The following PDE3A variants were observed in gnomAD, a reference collection of about 807,000 sequenced individuals.
PDE3A encodes the protein cGMP-inhibited 3',5'-cyclic phosphodiesterase 3A.
A neutral mutation model predicts 98.3 loss-of-function variants in PDE3A; 43 were observed. The observed-to-expected ratio is 0.44, with a 90% CI of 0.34 to 0.56. The LOEUF is 0.56. Among genes scored for constraint, PDE3A ranks in the 20% least tolerant of loss-of-function variants. PDE3A has a pLI of 0.01. For synonymous variants in PDE3A, 663 were observed against 567.9 expected (o/e 1.17, Z -2.38); for missense variants, 1,427 against 1,440.7 (o/e 0.99, Z 0.15).
chr12:20,497,538 A>C (rs1431663894), intron 1 of PDE3A, among the ~76,000 whole-genome samples: 1 of 151,740 alleles, frequency 6.6e-6, no homozygotes, highest in Admixed American at 6.6e-5. Context: ...CTAAAAAAAA[A>C]AACAGGATCA....
At chr12:20,459,629 A>T (rs1053101900) in intron 1 of PDE3A, among the ~76,000 whole-genome samples, 2 of 152,192 alleles carry the variant, frequency 1.3e-5, no homozygotes, top group African/African-American at 2.4e-5. Context: ...TAGTGTGTGT[A>T]CATTCATACA....
Position 20,657,046 on chromosome 12 carries a change from A to G in PDE3A, c.3184+2841A>G, listed in dbSNP as rs561511491. Among the ~76,000 whole-genome samples, 23 of 152,346 alleles carry G rather than the reference A, an allele frequency of 1.5e-4. No individual in the cohort carries two copies. The East Asian group carries it at 4.4e-3, about 29-fold the overall frequency. On this transcript the variant is annotated intron_variant, in intron 15 of 15. Coordinates refer to ENST00000359062, the MANE Select transcript of PDE3A (RefSeq NM_000921.5). ...AAAAGTTAACTGACCACATTATATT[A>G]CAATTTAAAAATATCCCATCCACAA... is the stretch of plus-strand genomic sequence containing the variant.
chr12:20,557,170 G>T, intron 2 of PDE3A: 1 of 158,644 alleles, frequency 6.3e-6, no homozygotes, highest in Non-Finnish European at 1.4e-5. Context: ...AAGATGAAAG[G>T]ACCTATTATT....
At chr12:20,628,418 A>T (rs867781653) in intron 5 of PDE3A, among the ~76,000 whole-genome samples, 1 of 152,210 alleles carries the variant, frequency 6.6e-6, no homozygotes, top group African/African-American at 2.4e-5. Context: ...GTAAGGAGCA[A>T]TGCAAACGCT....
At chr12:20,671,449 A>T (rs1386792361) in intron 15 of PDE3A, among the ~76,000 whole-genome samples, 1 of 149,490 alleles carries the variant, frequency 6.7e-6, no homozygotes, top group Non-Finnish European at 1.5e-5. Flanking sequence ...AAAAATCCTC[A>T]ATAAAATACT....
chr12:20,677,932 C>A (rs769835860), intron 15 of PDE3A, among the ~76,000 whole-genome samples: 4 of 151,072 alleles, frequency 2.6e-5, no homozygotes, highest in Non-Finnish European at 4.4e-5. Context: ...TTAGTGGAAG[C>A]CTGTTGTAAA....
At chr12:20,454,630 C>T (rs1190582352) in intron 1 of PDE3A, among the ~76,000 whole-genome samples, 1 of 152,180 alleles carries the variant, frequency 6.6e-6, no homozygotes, top group Non-Finnish European at 1.5e-5. Flanking sequence ...TCCTCCCACC[C>T]TCCAGCCTCC....
rs947919413 is a variant in PDE3A, at chr12:20,552,478, A to G, written c.961-4182A>G. On this transcript the variant is annotated intron_variant, in intron 1 of 15. Coordinates refer to ENST00000359062, the MANE Select transcript of PDE3A (RefSeq NM_000921.5). This position sits in a 1 kb window ranked among gnomAD's most constrained non-coding sequence, Gnocchi z 5.1. ...AGAAGGCTACCTGGAAGCCCTGGCC[A>G]ACCGAGAGCGAGAGAAGGAGAACAG... The G allele has an allele frequency of 5.6e-6, 9 of 1,612,770 alleles. No individual in the cohort carries two copies. Among genetic ancestry groups the G allele is most frequent in the Middle Eastern group, 1.8e-4 (1 of 5,610 alleles).
intron 1 of PDE3A, among the ~76,000 whole-genome samples, chr12:20,535,219 A>C (rs1941717715): frequency 6.6e-6 from 1 of 152,144 alleles, no homozygotes; most frequent in Non-Finnish European, 1.5e-5. Context: ...ACCCCAATCT[A>C]CCTAGGATTT....
Position 20,552,078 on chromosome 12 carries a change from T to A in PDE3A, c.961-4582T>A, listed in dbSNP as rs1308456764. On this transcript the variant is annotated intron_variant, in intron 1 of 15. Transcript: ENST00000359062. This position sits in a 1 kb window ranked among gnomAD's most constrained non-coding sequence, Gnocchi z 5.1. The stretch of plus-strand genomic sequence containing the variant: ...TTTTCACATACACGGGTAGTGGTGG[T>A]CGAGAGCTTTCCGGCAACAAGAGGA... 4 of 1,612,352 alleles carry A rather than the reference T, an allele frequency of 2.5e-6. No homozygotes were observed. The highest frequency in any genetic ancestry group is 3.4e-6 in the Non-Finnish European group (4 of 1,179,870).
intron 2 of PDE3A, among the ~76,000 whole-genome samples, chr12:20,592,156 CT>C (rs1943353619): frequency 6.6e-6 from 1 of 152,052 alleles, no homozygotes; most frequent in South Asian, 2.1e-4. Context: ...TAAATTGCAT[CT>C]GTTTAAAGAT....
At chr12:20,523,215 T>C (rs1038089273) in intron 1 of PDE3A, among the ~76,000 whole-genome samples, 1 of 152,188 alleles carries the variant, frequency 6.6e-6, no homozygotes, top group African/African-American at 2.4e-5. Flanking sequence ...GCCATGTTTC[T>C]GTTTCGGAGT....
chr12:20,386,170 TA>T (rs374386815), intron 1 of PDE3A, among the ~76,000 whole-genome samples: 1 of 91,464 alleles, frequency 1.1e-5, no homozygotes. Context: ...TATAAATATA[TA>T]AAAATATATA....
intron 1 of PDE3A, chr12:20,371,281 G>T: frequency 2.4e-6 from 2 of 838,246 alleles, no homozygotes; most frequent in Non-Finnish European, 2.9e-6. Flanking sequence ...GTCTAAAAAA[G>T]CATACCGAAG....
intron 1 of PDE3A, among the ~76,000 whole-genome samples, chr12:20,431,816 C>A (rs1944703652): frequency 6.6e-6 from 1 of 152,172 alleles, no homozygotes; most frequent in Middle Eastern, 3.4e-3. Context: ...TGTGTATAAA[C>A]CTTTTGAAAG....
At chr12:20,589,568 CTT>C (rs1475366530) in intron 2 of PDE3A, among the ~76,000 whole-genome samples, 1 of 152,000 alleles carries the variant, frequency 6.6e-6, no homozygotes, top group East Asian at 1.9e-4. Context: ...ACCAGGGAGA[CTT>C]AAAAATTAGT....
At chr12:20,573,366 G>C (rs1162687879) in intron 2 of PDE3A, among the ~76,000 whole-genome samples, 2 of 151,334 alleles carry the variant, frequency 1.3e-5, no homozygotes, top group Non-Finnish European at 2.9e-5. Flanking sequence ...AGTTCCATGG[G>C]AAACAGGACA....
intron 2 of PDE3A, among the ~76,000 whole-genome samples, chr12:20,566,514 G>A (rs1048746827): frequency 6.8e-6 from 1 of 147,026 alleles, no homozygotes; most frequent in South Asian, 2.1e-4. Flanking sequence ...ACTTAAAAGG[G>A]TATTTTTTTT....
At chr12:20,663,311 C>A (rs1945226112) in intron 15 of PDE3A, among the ~76,000 whole-genome samples, 1 of 152,238 alleles carries the variant, frequency 6.6e-6, no homozygotes, top group African/African-American at 2.4e-5. Flanking sequence ...AGAGTTCCTA[C>A]TGGTGCACTG....
Sources: allele counts gnomAD v4.1 joint callset (sites outside exome capture counted in the v4.1 genomes callset), GRCh38; gene constraint gnomAD v4.1.1; non-coding constraint Gnocchi (gnomAD v3.1); transcripts MANE v1.5; gene names NCBI Gene and HGNC (gene_info 2026-07-23, HGNC 2026-07-21).